The following MAP2K5 variants were observed in gnomAD, a reference collection of about 807,000 sequenced individuals.
The protein encoded by MAP2K5 is dual specificity mitogen-activated protein kinase kinase 5.
In MAP2K5, 49 loss-of-function variants were observed where a neutral mutation model predicts 83.1. The observed-to-expected ratio is 0.59, with a 90% CI of 0.47 to 0.75. The LOEUF is 0.75. Among genes scored for constraint, MAP2K5 ranks in the 30% least tolerant of loss-of-function variants. The pLI is 0.00. For missense variants in MAP2K5, 457 were observed against 557.5 expected (o/e 0.82, Z 1.82); for synonymous variants, 202 against 191.8 (o/e 1.05, Z -0.44).
rs545461581 is a variant in MAP2K5, at chr15:67,561,007, G to A, written c.185-2276G>A. Among the ~76,000 whole-genome samples, 1 of 152,144 alleles carries A rather than the reference G, an allele frequency of 6.6e-6. No individual in the cohort carries two copies. Among genetic ancestry groups the A allele is most frequent in the East Asian group, 1.9e-4 (1 of 5,178 alleles). Reference sequence around the variant, plus strand: ...GTGAACAATACCTTATTCAGGTCTTGGGTATATTGAAATTCAAATATAAGC... The same window carrying A: ...GTGAACAATACCTTATTCAGGTCTTAGGTATATTGAAATTCAAATATAAGC... On this transcript the variant is annotated intron_variant, in intron 2 of 21. Transcript: ENST00000178640. This position sits in a 1 kb window ranked among gnomAD's most constrained non-coding sequence, Gnocchi z 4.2.
Position 67,676,517 on chromosome 15 carries a change from A to AACCTC in MAP2K5, c.847+11872_847+11873insACCTC, listed in dbSNP as rs2087687890. 6.6e-6 allele frequency among the ~76,000 whole-genome samples: 1 copy of AACCTC among 152,180 alleles called. No individual in the cohort carries two copies. The highest frequency in any genetic ancestry group is 2.1e-4 in the South Asian group (1 of 4,828). Reference sequence around the variant, plus strand: ...CATGTCTCTTCCTTTCTCTAAAGGCATGGTTGAAGGTGATCAGCACCATGG... The same window carrying AACCTC: ...CATGTCTCTTCCTTTCTCTAAAGGCAACCTCTGGTTGAAGGTGATCAGCACCATGG... On this transcript the variant is annotated intron_variant, in intron 13 of 21. Coordinates refer to ENST00000178640, the MANE Select transcript of MAP2K5 (RefSeq NM_145160.3). This position sits in a 1 kb window ranked among gnomAD's most constrained non-coding sequence, Gnocchi z 4.8.
rs1038192398 is a variant in MAP2K5 at position 67,786,153 on chromosome 15, G to A, written c.1242+13401G>A. 6.6e-6 allele frequency among the ~76,000 whole-genome samples: 1 copy of A among 152,100 alleles called. No individual in the cohort carries two copies. Among genetic ancestry groups the A allele is most frequent in the Admixed American group, 6.6e-5 (1 of 15,266 alleles). ...TTTCTCATCTGTCTGATGTTCCTGGGTATTTCCAGCTTGTTGCCTCTTGGA... is the reference window on the plus strand; with the variant it reads ...TTTCTCATCTGTCTGATGTTCCTGGATATTTCCAGCTTGTTGCCTCTTGGA... On this transcript the variant is annotated intron_variant, in intron 21 of 21. Coordinates refer to ENST00000178640, the MANE Select transcript of MAP2K5 (RefSeq NM_145160.3). The surrounding 1 kb of genome is among the most constrained non-coding windows in gnomAD (Gnocchi z 4.7).
At chr15:67,727,804 G>T in intron 16 of MAP2K5, 112 bp from the exon 17 acceptor site, 1 of 817,354 alleles carries the variant, frequency 1.2e-6, no homozygotes, top group South Asian at 1.4e-5. Flanking sequence ...TCAAGGTTGT[G>T]AACTTTTTTA....
chr15:67,708,287 C>T lies in MAP2K5; in HGVS notation c.1044+4879C>T, dbSNP rs1014851841. On this transcript the variant is annotated intron_variant, in intron 16 of 21. Transcript: ENST00000178640. The surrounding 1 kb of genome is among the most constrained non-coding windows in gnomAD (Gnocchi z 4.9). The stretch of plus-strand genomic sequence containing the variant: ...GCAGTGAGCTATGATTGCACCACCA[C>T]ACTCCAGCCTAGTCAACAGAGCAAG... Among the ~76,000 whole-genome samples, 7 of 151,570 alleles carry T rather than the reference C, an allele frequency of 4.6e-5. No individual in the cohort carries two copies. In the South Asian group the frequency reaches 1.0e-3, roughly 23 times the overall value.
At chr15:67,745,785 A>G (rs905246640) in intron 17 of MAP2K5, among the ~76,000 whole-genome samples, 12 of 152,262 alleles carry the variant, frequency 7.9e-5, no homozygotes, top group African/African-American at 2.9e-4. Flanking sequence ...ATCAATTACA[A>G]TGATGTTGCA....
intron 19 of MAP2K5, among the ~76,000 whole-genome samples, chr15:67,766,923 C>T (rs553328840): frequency 1.3e-5 from 2 of 152,252 alleles, no homozygotes; most frequent in African/African-American, 2.4e-5. Flanking sequence ...CTCCCTTGAG[C>T]GATGCAGGAG....
chr15:67,721,215 C>A (rs371260818), intron 16 of MAP2K5, among the ~76,000 whole-genome samples: 1 of 152,014 alleles, frequency 6.6e-6, no homozygotes, highest in South Asian at 2.1e-4. Flanking sequence ...GTAATGCTGT[C>A]TTTTCTCCCT....
chr15:67,622,994 C>A (rs1388390341), intron 8 of MAP2K5, among the ~76,000 whole-genome samples: 1 of 152,002 alleles, frequency 6.6e-6, no homozygotes, highest in Non-Finnish European at 1.5e-5. Flanking sequence ...CCCAGCTACT[C>A]GGGAGGCTGA....
Position 67,644,800 on chromosome 15 carries a change from A to AT in MAP2K5, c.586-1431_586-1430insT. 6.6e-6 allele frequency among the ~76,000 whole-genome samples: 1 copy of AT among 152,274 alleles called. No homozygotes were observed. Among genetic ancestry groups the AT allele is most frequent in the East Asian group, 1.9e-4 (1 of 5,186 alleles). On this transcript the variant is annotated intron_variant, in intron 9 of 21. Coordinates refer to ENST00000178640, the MANE Select transcript of MAP2K5 (RefSeq NM_145160.3). The surrounding 1 kb of genome is among the most constrained non-coding windows in gnomAD (Gnocchi z 4.6). ...AACATTACCTGACTGGAAAAAAAAA[A>AT]GATGATATATTTTTAAAATTCCTTA...
chr15:67,587,137 G>T lies in MAP2K5; in HGVS notation c.431+224G>T, dbSNP rs1446527230. 2.0e-5 allele frequency among the ~76,000 whole-genome samples: 3 copies of T among 152,196 alleles called. No individual in the cohort carries two copies. The East Asian group carries it at 5.8e-4, about 29-fold the overall frequency. On this transcript the variant is annotated intron_variant, in intron 6 of 21. Coordinates refer to ENST00000178640, the MANE Select transcript of MAP2K5 (RefSeq NM_145160.3). This position sits in a 1 kb window ranked among gnomAD's most constrained non-coding sequence, Gnocchi z 4.8. ...TTCTGTTTTGACCTGAAGAAGCAGA[G>T]AAGGGCGTTTCAGACGGAGGGAAGA...
At chr15:67,795,967 C>T (rs1249188105) in intron 21 of MAP2K5, among the ~76,000 whole-genome samples, 2 of 152,002 alleles carry the variant, frequency 1.3e-5, no homozygotes, top group Admixed American at 6.6e-5. Flanking sequence ...TGAGGTGATT[C>T]TATCTCTAAT....
intron 21 of MAP2K5, among the ~76,000 whole-genome samples, chr15:67,773,235 G>A (rs1566959665): frequency 2.0e-5 from 3 of 152,112 alleles, no homozygotes; most frequent in Admixed American, 1.3e-4. Context: ...GGCTGCGAGT[G>A]CTGTGTTCTC....
chr15:67,591,991 A>G (rs182375296), intron 6 of MAP2K5, among the ~76,000 whole-genome samples: 2 of 151,892 alleles, frequency 1.3e-5, no homozygotes, highest in East Asian at 3.9e-4. Flanking sequence ...CATGCCTATA[A>G]TCCCAGGTAC....
chr15:67,725,242 T>TC, intron 16 of MAP2K5, among the ~76,000 whole-genome samples: 1 of 152,222 alleles, frequency 6.6e-6, no homozygotes, highest in East Asian at 1.9e-4. Flanking sequence ...CATCCTTTTT[T>TC]ACCTTGTACA....
At chr15:67,696,754 G>T (rs1478143228) in intron 15 of MAP2K5, among the ~76,000 whole-genome samples, 1 of 152,202 alleles carries the variant, frequency 6.6e-6, no homozygotes, top group African/African-American at 2.4e-5. Context: ...AAGGCAGGCA[G>T]ATCACCTGAG....
intron 21 of MAP2K5, among the ~76,000 whole-genome samples, chr15:67,804,291 G>C (rs1483798765): frequency 6.6e-6 from 1 of 152,232 alleles, no homozygotes; most frequent in Non-Finnish European, 1.5e-5. Context: ...TCCCCTCCAT[G>C]TCTGTCCCCT....
In MAP2K5 at chr15:67,703,155, C is replaced by A. The variant is rs1015302526; in HGVS notation, c.973-182C>A. Among the ~76,000 whole-genome samples the A allele has an allele frequency of 7.9e-5, 12 of 152,318 alleles. No homozygotes were observed. In the South Asian group the frequency reaches 1.2e-3, roughly 16 times the overall value. On this transcript the variant is annotated intron_variant, in intron 15 of 21. Coordinates refer to ENST00000178640, the MANE Select transcript of MAP2K5 (RefSeq NM_145160.3). The stretch of plus-strand genomic sequence containing the variant: ...GTAAGAATATATCTATATATAATTT[C>A]TATAGATCATCTATATACTGTATGC...
rs2089344476 is a variant in MAP2K5, at chr15:67,736,523, G to A, written c.1074+8578G>A. ...TACCTATGTAACTCTGAAAATATAT[G>A]ACCATGTCTCACACCAGGTAGGACT... On this transcript the variant is annotated intron_variant, in intron 17 of 21. Coordinates refer to ENST00000178640, the MANE Select transcript of MAP2K5 (RefSeq NM_145160.3). The surrounding 1 kb of genome is among the most constrained non-coding windows in gnomAD (Gnocchi z 4.3). 1.3e-5 allele frequency among the ~76,000 whole-genome samples: 2 copies of A among 152,158 alleles called. No individual in the cohort carries two copies. The highest frequency in any genetic ancestry group is 2.9e-5 in the Non-Finnish European group (2 of 68,030).
intron 19 of MAP2K5, among the ~76,000 whole-genome samples, chr15:67,762,565 C>CAAAAAAAA (rs5813455): frequency 3.3e-5 from 4 of 119,916 alleles, no homozygotes; most frequent in Admixed American, 9.1e-5. Context: ...AAATGACAGA[C>CAAAAAAAA]AAAAAAAAAA....
Sources: gnomAD v4.1 joint callset for allele counts (sites outside exome capture counted in the v4.1 genomes callset) on GRCh38, gnomAD v4.1.1 for gene constraint, Gnocchi (gnomAD v3.1) non-coding constraint, MANE v1.5 for transcripts, NCBI Gene and HGNC (gene_info 2026-07-23, HGNC 2026-07-21) for gene names.